Variants in CTNND2 observed in about 807,000 individuals in gnomAD.
CTNND2 encodes catenin delta 2.
Under a neutral mutation model 144.4 loss-of-function variants are expected in CTNND2, and 22 were observed. The ratio of observed to expected loss-of-function variants is 0.15; its 90% CI spans 0.11 to 0.22. CTNND2 has a LOEUF of 0.22. Ranked by LOEUF, CTNND2 falls within the 10% of genes least tolerant of loss-of-function variation. CTNND2 has a pLI of 1.00. For missense variants in CTNND2, 1,353 were observed against 1,618.8 expected, an observed-to-expected ratio of 0.84 and a Z score of 2.82; for synonymous variants, 751 against 695.6, an observed-to-expected ratio of 1.08 and a Z score of -1.25.
intron 12 of CTNND2, among the ~76,000 whole-genome samples, chr5:11,136,320 G>A (rs1756140427): frequency 6.6e-6 from 1 of 151,990 alleles, no homozygotes; most frequent in South Asian, 2.1e-4. Context: ...CATCTTAGAG[G>A]TCATGAATTA....
rs70947249 is a variant in CTNND2 at position 11,248,340 on chromosome 5, CAT to C, written c.1629-11519_1629-11518del. On this transcript the variant is annotated intron_variant, in intron 9 of 21. Transcript: ENST00000304623. ...CCCTCAAAATGTTTTATTATACATACATATATATATATATATGTGCATGTGGG... is the reference window on the plus strand; with the variant it reads ...CCCTCAAAATGTTTTATTATACATACATATATATATATATGTGCATGTGGG... 5.4e-3 allele frequency among the ~76,000 whole-genome samples: 799 copies of C among 148,980 alleles called. 6 individuals are homozygous for C. Among genetic ancestry groups the C allele is most frequent in the Admixed American group, 7.4e-3 (111 of 14,924 alleles).
intron 16 of CTNND2, among the ~76,000 whole-genome samples, chr5:11,073,789 C>T (rs1267376645): frequency 6.6e-6 from 1 of 152,176 alleles, no homozygotes; most frequent in Non-Finnish European, 1.5e-5. Flanking sequence ...AGGTACAGAG[C>T]TTGCCTTCTG....
chr5:11,694,434 A>T (rs932009201), intron 2 of CTNND2, among the ~76,000 whole-genome samples: 7 of 150,926 alleles, frequency 4.6e-5, no homozygotes, highest in African/African-American at 1.7e-4. Flanking sequence ...TCTCAAAAAA[A>T]AAAAAGAAAA....
intron 3 of CTNND2, among the ~76,000 whole-genome samples, chr5:11,417,693 T>C (rs1490114143): frequency 6.6e-6 from 1 of 152,126 alleles, no homozygotes; most frequent in Admixed American, 6.5e-5. Context: ...TCATACACTG[T>C]AGGTGGGAAA....
At chr5:11,069,274 T>C (rs1391476623) in intron 16 of CTNND2, among the ~76,000 whole-genome samples, 1 of 151,930 alleles carries the variant, frequency 6.6e-6, no homozygotes, top group Non-Finnish European at 1.5e-5. Flanking sequence ...ACTCGGGGGG[T>C]ATACAGATTA....
chr5:11,705,181 C>T (rs957687949), intron 2 of CTNND2, among the ~76,000 whole-genome samples: 1 of 152,150 alleles, frequency 6.6e-6, no homozygotes, highest in African/African-American at 2.4e-5. Context: ...ACAAATACCA[C>T]ACTGACCTTC....
At chr5:11,552,697 C>G (rs139781288) in intron 3 of CTNND2, among the ~76,000 whole-genome samples, 1,944 of 152,300 alleles carry the variant, frequency 0.013, 23 homozygotes, top group Non-Finnish European at 0.019. Flanking sequence ...TGCTATACCC[C>G]CCTTCCTTTT....
At chr5:11,252,817 G>A (rs911862375) in intron 9 of CTNND2, among the ~76,000 whole-genome samples, 1 of 152,160 alleles carries the variant, frequency 6.6e-6, no homozygotes, top group Non-Finnish European at 1.5e-5. Flanking sequence ...CAAAATGAAT[G>A]TGTACTCCTC....
intron 2 of CTNND2, among the ~76,000 whole-genome samples, chr5:11,723,431 C>A (rs897546266): frequency 7.9e-5 from 12 of 151,994 alleles, no homozygotes; most frequent in Admixed American, 3.3e-4. Context: ...CATTCTGAAG[C>A]GATATGCAGG....
intron 1 of CTNND2, among the ~76,000 whole-genome samples, chr5:11,740,743 G>A (rs1329276847): frequency 6.6e-6 from 1 of 152,160 alleles, no homozygotes; most frequent in Non-Finnish European, 1.5e-5. Flanking sequence ...TATCATCAGA[G>A]TGAACAGGCA....
At position 11,152,363 on chromosome 5, in the gene CTNND2, A is replaced by G. The variant is rs145612773; in HGVS notation, c.2159+7213T>C. 4.1e-4 allele frequency among the ~76,000 whole-genome samples: 63 copies of G among 152,296 alleles called. No individual in the cohort carries two copies. In the East Asian group the frequency reaches 0.011, roughly 26 times the overall value. ...ACACATACTTACCATTTGTGTTACA[A>G]CTGTCTGCAGTATTCAGGACAGTGT... On this transcript the variant is annotated intron_variant, in intron 12 of 21. Transcript: ENST00000304623.
At chr5:10,975,391 T>C (rs1436466134) in intron 21 of CTNND2, among the ~76,000 whole-genome samples, 1 of 152,238 alleles carries the variant, frequency 6.6e-6, no homozygotes, top group Non-Finnish European at 1.5e-5. Context: ...TAAATATTTA[T>C]GTGTGTTTGT....
chr5:11,780,937 C>T (rs536620144), intron 1 of CTNND2, among the ~76,000 whole-genome samples: 12 of 152,210 alleles, frequency 7.9e-5, no homozygotes, highest in African/African-American at 2.6e-4. Flanking sequence ...CTGCCCAGGA[C>T]CATGGATTTC....
rs756297746 is a variant in CTNND2 at position 11,346,479 on chromosome 5, C to T, written c.1521G>A (p.Gln507=). 2 of 1,603,634 alleles carry T rather than the reference C, an allele frequency of 1.2e-6. No individual in the cohort carries two copies. The highest frequency in any genetic ancestry group is 3.4e-5 in the Admixed American group (2 of 58,304). ...SNYADPYRQL[Q]YCPSVESPYS... The stretch of plus-strand genomic sequence containing the variant: ...ATGGAGACTCAACAGAGGGACAATA[C>T]TGCAGCTGTCGGTAGGGGTCCGCGT... Residue 507 remains glutamine (Q), a synonymous_variant, in exon 9 of 22, where the codon CAG becomes CAA. Coordinates refer to ENST00000304623, the MANE Select transcript of CTNND2 (RefSeq NM_001332.4).
rs1410835290 is a variant in CTNND2 at position 10,973,122 on chromosome 5, C to A, written c.*331G>T. 1 of 218,882 alleles carries A rather than the reference C, an allele frequency of 4.6e-6. No individual in the cohort carries two copies. The highest frequency in any genetic ancestry group is 5.3e-5 in the Admixed American group (1 of 18,852). The allele number at this position is 218,882 out of a possible 1,614,324, so 13.6% of individuals were successfully genotyped here. Reference sequence around the variant, plus strand: ...TCTGTGTCTTGTGCTTAACGATAACCCTTACGCCCCACCGGCCCGAATGCC... The same window carrying A: ...TCTGTGTCTTGTGCTTAACGATAACACTTACGCCCCACCGGCCCGAATGCC... On this transcript the variant is annotated 3_prime_UTR_variant, in exon 22 of 22. Transcript: ENST00000304623. This position sits in a 1 kb window ranked among gnomAD's most constrained non-coding sequence, Gnocchi z 5.6.
rs892586747 is a variant in CTNND2, at chr5:11,392,101, A to G, written c.612+4930T>C. Among the ~76,000 whole-genome samples the G allele has an allele frequency of 1.3e-4, 20 of 152,338 alleles. No individual in the cohort carries two copies. The South Asian group carries it at 3.7e-3, about 28-fold the overall frequency. The stretch of plus-strand genomic sequence containing the variant: ...AGAAAGTGAGAGAGAGAAATTTTGC[A>G]AACTATTTTGTCTCTGCCACTGCAG... On this transcript the variant is annotated intron_variant, in intron 6 of 21. Coordinates refer to ENST00000304623, the MANE Select transcript of CTNND2 (RefSeq NM_001332.4).
chr5:11,314,401 A>G (rs1561203926), intron 9 of CTNND2, among the ~76,000 whole-genome samples: 2 of 152,148 alleles, frequency 1.3e-5, no homozygotes, highest in Non-Finnish European at 2.9e-5. Flanking sequence ...CCCAGGCTGG[A>G]GTGCAGCGGC....
chr5:11,032,897 A>G (rs1743632895), intron 16 of CTNND2, among the ~76,000 whole-genome samples: 1 of 152,252 alleles, frequency 6.6e-6, no homozygotes, highest in Non-Finnish European at 1.5e-5. Context: ...TACAACAAAT[A>G]TCATTGGGTT....
intron 12 of CTNND2, among the ~76,000 whole-genome samples, chr5:11,131,647 G>C (rs1755609885): frequency 6.6e-6 from 1 of 152,160 alleles, no homozygotes; most frequent in Non-Finnish European, 1.5e-5. Context: ...AAATTAGCCA[G>C]GCGTGGTGGC....
Sources: allele counts gnomAD v4.1 joint callset (sites outside exome capture counted in the v4.1 genomes callset), GRCh38; gene constraint gnomAD v4.1.1; non-coding constraint Gnocchi (gnomAD v3.1); transcripts MANE v1.5; gene names NCBI Gene and HGNC (gene_info 2026-07-23, HGNC 2026-07-21).